Variants in RSU1 observed in about 807,000 individuals in gnomAD.
The protein encoded by RSU1 is rsu-1.
RSU1 carries 26 observed loss-of-function variants against 31.1 expected under a neutral mutation model. The observed-to-expected ratio is 0.84, with a 90% CI of 0.61 to 1.16. The LOEUF (loss-of-function observed/expected upper bound fraction) is 1.16. Ranked by LOEUF, RSU1 falls within the 50% of genes most tolerant of loss-of-function variation. The pLI is 0.00. For synonymous variants in RSU1, 164 were observed against 136.3 expected, an observed-to-expected ratio of 1.20 and a Z score of -1.41; for missense variants, 320 against 339.1, an observed-to-expected ratio of 0.94 and a Z score of 0.44.
At chr10:16,628,805 A>G (rs767666669) in intron 8 of RSU1, among the ~76,000 whole-genome samples, 1 of 152,084 alleles carries the variant, frequency 6.6e-6, no homozygotes, top group Non-Finnish European at 1.5e-5. Flanking sequence ...CTTTTTTTAA[A>G]TTAATTCTTA....
intron 7 of RSU1, chr10:16,723,015 T>C (rs1233806502): frequency 2.0e-5 from 3 of 150,586 alleles, no homozygotes; most frequent in Non-Finnish European, 2.9e-5. Flanking sequence ...GACACAAACA[T>C]ACACACATAT....
chr10:16,809,711 T>C (rs747461350), intron 2 of RSU1, among the ~76,000 whole-genome samples: 15 of 152,190 alleles, frequency 9.9e-5, no homozygotes, highest in South Asian at 2.1e-4. Context: ...TGTATCTAGA[T>C]TGTGTTTTCT....
At chr10:16,655,787 T>C (rs891599422) in intron 8 of RSU1, among the ~76,000 whole-genome samples, 1 of 152,216 alleles carries the variant, frequency 6.6e-6, no homozygotes, top group Non-Finnish European at 1.5e-5. Context: ...ATATTTTAAA[T>C]TGAGGTATGT....
chr10:16,614,761 A>G (rs1345601464), intron 8 of RSU1, among the ~76,000 whole-genome samples: 1 of 152,186 alleles, frequency 6.6e-6, no homozygotes, highest in African/African-American at 2.4e-5. Context: ...CCCAAATTCA[A>G]GAGGACTCAC....
intron 8 of RSU1, among the ~76,000 whole-genome samples, chr10:16,654,282 T>G (rs1834733836): frequency 6.8e-6 from 1 of 147,574 alleles, no homozygotes; most frequent in South Asian, 2.2e-4. Context: ...GGATTACAAG[T>G]GTGTGCCACC....
At chr10:16,720,968 C>T (rs906256610) in intron 7 of RSU1, among the ~76,000 whole-genome samples, 2 of 152,100 alleles carry the variant, frequency 1.3e-5, no homozygotes, top group African/African-American at 4.8e-5. Context: ...GCCTGGACAA[C>T]TGAACAAGAC....
chr10:16,705,422 TTATAC>T (rs1227350226), intron 7 of RSU1, among the ~76,000 whole-genome samples: 3 of 152,208 alleles, frequency 2.0e-5, no homozygotes, highest in Non-Finnish European at 4.4e-5. Flanking sequence ...ATAAATGATT[TTATAC>T]TATATTTTAA....
At chr10:16,780,176 G>C (rs1837622095) in intron 3 of RSU1, among the ~76,000 whole-genome samples, 1 of 152,166 alleles carries the variant, frequency 6.6e-6, no homozygotes, top group Non-Finnish European at 1.5e-5. Context: ...TCTTTGTGAA[G>C]ATGTAAAAAG....
intron 2 of RSU1, among the ~76,000 whole-genome samples, chr10:16,783,809 AC>A (rs1837711530): frequency 6.6e-6 from 1 of 152,166 alleles, no homozygotes; most frequent in Non-Finnish European, 1.5e-5. Context: ...TATATCTCCT[AC>A]AAGCAAAAAT....
intron 7 of RSU1, among the ~76,000 whole-genome samples, chr10:16,746,789 C>T (rs951668910): frequency 6.8e-6 from 1 of 146,324 alleles, no homozygotes; most frequent in East Asian, 2.1e-4. Flanking sequence ...CTAATTAATT[C>T]TTCTAAGAAA....
intron 8 of RSU1, among the ~76,000 whole-genome samples, chr10:16,692,614 G>C (rs1034844374): frequency 6.6e-6 from 1 of 152,030 alleles, no homozygotes. Context: ...TAAAACTCAC[G>C]ATAGCAATGA....
rs138702222 is a variant in RSU1, at chr10:16,782,218, C to T, written c.110-134G>A. 9.7e-4 allele frequency: 632 copies of T among 654,350 alleles called. 3 individuals are homozygous for T. The highest frequency in any genetic ancestry group is 4.1e-3 in the Middle Eastern group (10 of 2,458). 40.5% of individuals were successfully genotyped at this position (654,350 alleles called of 1,614,324 possible). A position where few individuals can be genotyped will look rare whatever the true frequency, so the allele number is the denominator to read the frequency against. On this transcript the variant is annotated intron_variant, in intron 2 of 8. Transcript: ENST00000345264. ...GCACTATCGCTCACCAAAATAGAAG[C>T]TAGGATTCATGTAACACGATCTATT...
intron 8 of RSU1, among the ~76,000 whole-genome samples, chr10:16,661,119 T>A (rs917544367): frequency 1.2e-4 from 18 of 152,194 alleles, no homozygotes; most frequent in Admixed American, 4.6e-4. Flanking sequence ...ATAGCTCACA[T>A]GTATTTTTCT....
intron 8 of RSU1, among the ~76,000 whole-genome samples, chr10:16,606,036 C>T (rs1419322939): frequency 1.3e-5 from 2 of 152,108 alleles, no homozygotes; most frequent in African/African-American, 2.4e-5. Flanking sequence ...TACAGGCACA[C>T]CTTGCCAGCT....
At chr10:16,610,591 G>A (rs9971080) in intron 8 of RSU1, among the ~76,000 whole-genome samples, 19,076 of 152,164 alleles carry the variant, frequency 0.13, 1,291 homozygotes, top group Non-Finnish European at 0.16. Flanking sequence ...CTGATGATCC[G>A]TCACTATTTC....
At chr10:16,677,972 T>TA (rs1259181175) in intron 8 of RSU1, among the ~76,000 whole-genome samples, 4 of 144,572 alleles carry the variant, frequency 2.8e-5, no homozygotes, top group Non-Finnish European at 4.8e-5. Context: ...GTTGACAGCT[T>TA]AAAAAAATTA....
In RSU1 at chr10:16,646,024, A is replaced by ACATATATG. The variant is rs1314716536; in HGVS notation, c.731+48998_731+48999insCATATATG. Among the ~76,000 whole-genome samples the ACATATATG allele has an allele frequency of 2.1e-4, 16 of 74,822 alleles. 3 individuals are homozygous for ACATATATG. The highest frequency in any genetic ancestry group is 9.5e-4 in the African/African-American group (16 of 16,876). The allele number at this position is 74,822 out of a possible 152,430, so 49.1% of individuals were successfully genotyped here. On this transcript the variant is annotated intron_variant, in intron 8 of 8. Coordinates refer to ENST00000345264, the MANE Select transcript of RSU1 (RefSeq NM_012425.4). ...TATATGTGTATATACATATATGTGT[A>ACATATATG]TATATATGTGTATATACATATATGT...
chr10:16,598,468 C>T (rs1486943428), intron 8 of RSU1, among the ~76,000 whole-genome samples: 2 of 152,146 alleles, frequency 1.3e-5, no homozygotes, highest in Non-Finnish European at 2.9e-5. Context: ...TTGGGAGGAT[C>T]GCTTGAGCCT....
At chr10:16,708,846 T>A (rs537003730) in intron 7 of RSU1, among the ~76,000 whole-genome samples, 1 of 152,010 alleles carries the variant, frequency 6.6e-6, no homozygotes, top group East Asian at 1.9e-4. Flanking sequence ...TAAATGGAGC[T>A]GTTTTCTTGA....
Sources: gnomAD v4.1 joint callset for allele counts (sites outside exome capture counted in the v4.1 genomes callset) on GRCh38, gnomAD v4.1.1 for gene constraint, MANE v1.5 for transcripts, NCBI Gene and HGNC (gene_info 2026-07-23, HGNC 2026-07-21) for gene names.